Variants in NCALD observed in about 807,000 individuals in gnomAD.
NCALD encodes neurocalcin delta, also known as neurocalcin-delta.
A neutral mutation model predicts 18.6 loss-of-function variants in NCALD; 10 were observed. That is an observed-to-expected ratio of 0.54 (90% CI 0.33 to 0.91). NCALD has a LOEUF of 0.91. Among genes scored for constraint, NCALD ranks in the 40% least tolerant of loss-of-function variants. The pLI is 0.03. For synonymous variants in NCALD, 88 were observed against 87.4 expected, an observed-to-expected ratio of 1.01 and a Z score of -0.04; for missense variants, 184 against 247.6, an observed-to-expected ratio of 0.74 and a Z score of 1.72.
At position 101,943,163 on chromosome 8, in the gene NCALD, G is replaced by A. The variant is rs114910248; in HGVS notation, c.-156-27305C>T. On this transcript the variant is annotated intron_variant, in intron 2 of 6. Transcript: ENST00000311028. ...GCAATGGCACAGTAAGTACTCTGGG[G>A]TTGCCGCACTCACTGCTCTTGAAGC... Among the ~76,000 whole-genome samples, 1,426 of 152,220 alleles carry A rather than the reference G, an allele frequency of 9.4e-3. 33 individuals carry two copies. Among genetic ancestry groups the A allele is most frequent in the African/African-American group, 0.032 (1,321 of 41,516 alleles).
chr8:101,879,559 T>C (rs542194008), intron 4 of NCALD, among the ~76,000 whole-genome samples: 14 of 152,170 alleles, frequency 9.2e-5, no homozygotes, highest in Admixed American at 2.6e-4. Context: ...AAACCACCAC[T>C]GTGTGGTGGG....
chr8:102,065,009 G>GTAAA (rs1823959262), intron 1 of NCALD, among the ~76,000 whole-genome samples: 1 of 19,522 alleles, frequency 5.1e-5, no homozygotes, highest in African/African-American at 4.1e-4. Flanking sequence ...TCTCACTTTG[G>GTAAA]CAAAAAAAAA....
intron 1 of NCALD, among the ~76,000 whole-genome samples, chr8:102,034,015 TACACACACACACACAC>T (rs34381236): frequency 6.8e-6 from 1 of 147,892 alleles, no homozygotes; most frequent in Non-Finnish European, 1.5e-5. Flanking sequence ...TCCCTCTAAA[TACACACACACACACAC>T]ACACACACAC....
chr8:102,033,697 G>A (rs899034015), intron 1 of NCALD, among the ~76,000 whole-genome samples: 6 of 152,090 alleles, frequency 3.9e-5, no homozygotes, highest in African/African-American at 1.2e-4. Flanking sequence ...GATTGTTGCT[G>A]GATAATGGAG....
intron 4 of NCALD, among the ~76,000 whole-genome samples, chr8:101,868,936 G>A (rs1382209140): frequency 6.6e-6 from 1 of 152,184 alleles, no homozygotes; most frequent in Admixed American, 6.5e-5. Context: ...AAAATGCCAA[G>A]AACCTGGACA....
chr8:102,117,713 T>G (rs931128813), intron 1 of NCALD, among the ~76,000 whole-genome samples: 2 of 152,248 alleles, frequency 1.3e-5, no homozygotes, highest in African/African-American at 4.8e-5. Flanking sequence ...ATATTCTTTT[T>G]ATCTAAACAC....
At chr8:102,121,737 C>T (rs1276925314) in intron 1 of NCALD, among the ~76,000 whole-genome samples, 1 of 152,162 alleles carries the variant, frequency 6.6e-6, no homozygotes, top group Non-Finnish European at 1.5e-5. Flanking sequence ...TAGTCTGCCC[C>T]TCACCATTAA....
At chr8:101,945,865 T>C (rs1448210104) in intron 2 of NCALD, among the ~76,000 whole-genome samples, 1 of 152,192 alleles carries the variant, frequency 6.6e-6, no homozygotes, top group Admixed American at 6.5e-5. Flanking sequence ...GGTGTGCCAG[T>C]CACACCCTTT....
intron 4 of NCALD, among the ~76,000 whole-genome samples, chr8:101,867,449 T>G: frequency 6.6e-6 from 1 of 152,238 alleles, no homozygotes; most frequent in Non-Finnish European, 1.5e-5. Context: ...GACTAAATGA[T>G]GATGAAGCAA....
chr8:101,766,567 A>G (rs1282024551), intron 1 of NCALD, among the ~76,000 whole-genome samples: 1 of 152,066 alleles, frequency 6.6e-6, no homozygotes, highest in East Asian at 1.9e-4. Context: ...ATCAGTTTCC[A>G]AAGAAGTTTC....
chr8:101,873,899 T>C (rs1447303841), intron 4 of NCALD, among the ~76,000 whole-genome samples: 4 of 152,224 alleles, frequency 2.6e-5, no homozygotes. Context: ...AAGGATAGCA[T>C]TGCCATTAAA....
chr8:102,118,628 C>T (rs1394098359), intron 1 of NCALD, among the ~76,000 whole-genome samples: 1 of 152,200 alleles, frequency 6.6e-6, no homozygotes, highest in Non-Finnish European at 1.5e-5. Flanking sequence ...TCCCCAAGTT[C>T]AGTACCATTT....
chr8:101,983,803 C>T (rs776195437), intron 2 of NCALD, among the ~76,000 whole-genome samples: 1 of 152,184 alleles, frequency 6.6e-6, no homozygotes, highest in Non-Finnish European at 1.5e-5. Flanking sequence ...TTACTCTTCC[C>T]ACCATCTTCC....
intron 2 of NCALD, among the ~76,000 whole-genome samples, chr8:101,990,707 G>A (rs758556360): frequency 3.9e-5 from 6 of 152,156 alleles, no homozygotes; most frequent in Non-Finnish European, 7.3e-5. Flanking sequence ...GGAACTGTGA[G>A]TCCATTAAAG....
At chr8:102,061,920 T>G (rs1823863034) in intron 1 of NCALD, among the ~76,000 whole-genome samples, 2 of 152,210 alleles carry the variant, frequency 1.3e-5, no homozygotes, top group Admixed American at 1.3e-4. Flanking sequence ...TGTTCTTATT[T>G]TTTCATCTAT....
At position 102,099,786 on chromosome 8, in the gene NCALD, T is replaced by C. The variant is rs1029130953; in HGVS notation, c.-210+24451A>G. 2.0e-5 allele frequency among the ~76,000 whole-genome samples: 3 copies of C among 151,474 alleles called. No individual in the cohort carries two copies. In the South Asian group the frequency reaches 6.3e-4, roughly 32 times the overall value. On this transcript the variant is annotated intron_variant, in intron 1 of 6. Transcript: ENST00000311028. ...TGGTGAAACCCCATCTCTACTAAAA[T>C]TACCCAAAAAAACCCTATCTCTACT...
intron 2 of NCALD, among the ~76,000 whole-genome samples, chr8:101,918,740 C>CCA (rs34480976): frequency 0.13 from 17,641 of 140,598 alleles, 1,270 homozygotes; most frequent in African/African-American, 0.21. Context: ...TTTACAATAG[C>CCA]CACACACACA....
At chr8:101,989,193 T>G (rs184538776) in intron 2 of NCALD, among the ~76,000 whole-genome samples, 2 of 152,268 alleles carry the variant, frequency 1.3e-5, no homozygotes, top group East Asian at 3.9e-4. Context: ...AAGTATACAG[T>G]TTCAGATTTA....
At chr8:101,975,067 T>C (rs964039863) in intron 2 of NCALD, among the ~76,000 whole-genome samples, 1 of 152,196 alleles carries the variant, frequency 6.6e-6, no homozygotes, top group Non-Finnish European at 1.5e-5. Flanking sequence ...ACAAATGAAA[T>C]ATTATAAAGA....
Sources: allele counts gnomAD v4.1 joint callset (sites outside exome capture counted in the v4.1 genomes callset), GRCh38; gene constraint gnomAD v4.1.1; transcripts MANE v1.5; gene names NCBI Gene and HGNC (gene_info 2026-07-23, HGNC 2026-07-21).